Variants in FBXO10 observed in about 807,000 individuals in gnomAD.
The protein encoded by FBXO10 is F-box only protein 10.
Under a neutral mutation model 80.7 loss-of-function variants are expected in FBXO10, and 39 were observed. The observed-to-expected ratio is 0.48, with a 90% confidence interval of 0.37 to 0.63. The LOEUF is 0.63. Ranked by LOEUF, FBXO10 falls within the 30% of genes least tolerant of loss-of-function variation. The pLI, the probability that FBXO10 is intolerant of heterozygous loss-of-function variation, is 0.00. For missense variants in FBXO10, 1,025 were observed against 1,269.0 expected, an observed-to-expected ratio of 0.81 and a Z score of 2.92; for synonymous variants, 449 against 489.6, an observed-to-expected ratio of 0.92 and a Z score of 1.09.
intron 1 of FBXO10, among the ~76,000 whole-genome samples, chr9:37,552,251 T>A (rs10973408): frequency 0.23 from 34,432 of 152,120 alleles, 4,157 homozygotes; most frequent in Admixed American, 0.26. Context: ...CCAGCCTCTA[T>A]GCATTATCCG....
chr9:37,519,661 C>T (rs144246441), intron 8 of FBXO10, among the ~76,000 whole-genome samples: 14 of 152,290 alleles, frequency 9.2e-5, no homozygotes, highest in African/African-American at 2.4e-4. Context: ...CTTTGCCTGT[C>T]GTACCGGACA....
chr9:37,571,003 A>G (rs1822738885), intron 1 of FBXO10, among the ~76,000 whole-genome samples: 2 of 152,188 alleles, frequency 1.3e-5, no homozygotes, highest in African/African-American at 4.8e-5. Flanking sequence ...AAAAAAAAAA[A>G]AAAAAATTAT....
chr9:37,540,206 A>G (rs1308912829), intron 2 of FBXO10, among the ~76,000 whole-genome samples: 3 of 149,846 alleles, frequency 2.0e-5, no homozygotes, highest in African/African-American at 5.0e-5. Context: ...TTTTTTTTTG[A>G]GACAAAGTCT....
At chr9:37,523,002 G>A (rs765906116) in intron 6 of FBXO10, 25 bp from the exon 7 acceptor site, 1 of 1,579,112 alleles carries the variant, frequency 6.3e-7, no homozygotes, top group Admixed American at 1.8e-5. Context: ...AGAAAAGAAG[G>A]TCAGTACCCA....
chr9:37,543,348 G>A (rs1331916841), intron 1 of FBXO10, among the ~76,000 whole-genome samples: 1 of 152,134 alleles, frequency 6.6e-6, no homozygotes, highest in African/African-American at 2.4e-5. Context: ...GTTCTAAAGG[G>A]GCCATCGAGC....
intron 4 of FBXO10, among the ~76,000 whole-genome samples, chr9:37,530,024 A>G (rs1456015034): frequency 2.0e-5 from 3 of 152,128 alleles, no homozygotes; most frequent in Non-Finnish European, 4.4e-5. Flanking sequence ...CAGGCCCACG[A>G]TTATATAGTA....
At chr9:37,561,164 CAAAAT>C (rs911971039) in intron 1 of FBXO10, among the ~76,000 whole-genome samples, 11 of 141,680 alleles carry the variant, frequency 7.8e-5, no homozygotes, top group East Asian at 2.0e-4. Context: ...CAAAACAAAA[CAAAAT>C]CAACTTTTTT....
chr9:37,534,006 G>C (rs1402287136), intron 3 of FBXO10, among the ~76,000 whole-genome samples: 3 of 152,042 alleles, frequency 2.0e-5, no homozygotes, highest in African/African-American at 7.2e-5. Flanking sequence ...GATGTGTGCA[G>C]GTTAGGTGCA....
intron 3 of FBXO10, among the ~76,000 whole-genome samples, chr9:37,534,761 TG>T (rs1255177478): frequency 1.7e-4 from 26 of 152,196 alleles, no homozygotes; most frequent in Non-Finnish European, 3.8e-4. Context: ...CCCTCTCCTG[TG>T]TTCTTTCCCC....
At chr9:37,544,383 A>G (rs1205884965) in intron 1 of FBXO10, among the ~76,000 whole-genome samples, 1 of 152,208 alleles carries the variant, frequency 6.6e-6, no homozygotes, top group African/African-American at 2.4e-5. Flanking sequence ...CAGTGAGCCA[A>G]GATTGCTTCA....
rs1751241625 is a variant in FBXO10, at chr9:37,512,336, C to T, written c.*211G>A. The T allele has an allele frequency of 2.1e-6, 1 of 472,458 alleles. No homozygotes were observed. The highest frequency in any genetic ancestry group is 3.7e-6 in the Non-Finnish European group (1 of 270,076). 29.3% of individuals were successfully genotyped at this position (472,458 alleles called of 1,614,324 possible). On this transcript the variant is annotated 3_prime_UTR_variant, in exon 11 of 11. Coordinates refer to ENST00000432825, the MANE Select transcript of FBXO10 (RefSeq NM_012166.3). The stretch of plus-strand genomic sequence containing the variant: ...AGACTTCGAGTGACTGGAAACCCAC[C>T]AGCTTCTATCCCTTCTCCCTGAAAA...
chr9:37,558,499 GT>G (rs1822391902), intron 1 of FBXO10, among the ~76,000 whole-genome samples: 1 of 152,088 alleles, frequency 6.6e-6, no homozygotes, highest in Non-Finnish European at 1.5e-5. Context: ...TCCCAGATGG[GT>G]TTCCCCCATT....
intron 6 of FBXO10, among the ~76,000 whole-genome samples, chr9:37,524,817 T>C (rs779039393): frequency 1.3e-5 from 2 of 152,116 alleles, no homozygotes; most frequent in Admixed American, 1.3e-4. Context: ...GAGGAGGGAT[T>C]TGGACAGGTG....
chr9:37,514,786 A>T (rs2119043057), intron 10 of FBXO10, among the ~76,000 whole-genome samples: 2 of 152,284 alleles, frequency 1.3e-5, no homozygotes, highest in Middle Eastern at 6.8e-3. Flanking sequence ...GTGAGCCAAG[A>T]TCGCACCACT....
chr9:37,513,902 A>G (rs1256694853), intron 10 of FBXO10, among the ~76,000 whole-genome samples: 1 of 152,106 alleles, frequency 6.6e-6, no homozygotes, highest in African/African-American at 2.4e-5. Context: ...GATTTCTTTT[A>G]TATGACATTT....
chr9:37,546,750 T>C (rs1318132313), intron 1 of FBXO10, among the ~76,000 whole-genome samples: 1 of 151,980 alleles, frequency 6.6e-6, no homozygotes, highest in Non-Finnish European at 1.5e-5. Flanking sequence ...CCATGATCTT[T>C]GCTCACTGCA....
At position 37,518,437 on chromosome 9, in the gene FBXO10, G is replaced by A. The variant is rs1275493054; in HGVS notation, c.2202C>T (p.Ala734=). 1.3e-6 allele frequency: 2 copies of A among 1,581,876 alleles called. No individual in the cohort carries two copies. The highest frequency in any genetic ancestry group is 2.2e-5 in the East Asian group (1 of 44,536). ...VESNSINHNG[A]SGLYVQSSEA... ...CGCTGCTCTGGACATAGAGTCCTGA[G>A]GCTATGGGTGGAAGGGTTGGAAAGC... The change falls in exon 9 of 11, where the codon GCC becomes GCT. Residue 734 remains alanine (A), a splice_region_variant and synonymous_variant. Transcript: ENST00000432825.
chr9:37,546,364 G>C (rs1364234141), intron 1 of FBXO10, among the ~76,000 whole-genome samples: 2 of 152,076 alleles, frequency 1.3e-5, no homozygotes, highest in African/African-American at 4.8e-5. Context: ...AGCACAGAGG[G>C]GGTGGGGAGG....
chr9:37,564,789 C>G (rs1023614297), intron 1 of FBXO10, among the ~76,000 whole-genome samples: 59 of 152,316 alleles, frequency 3.9e-4, no homozygotes, highest in African/African-American at 1.4e-3. Context: ...ATTTTACAGG[C>G]TCATAGGCAG....
Sources: allele counts gnomAD v4.1 joint callset (sites outside exome capture counted in the v4.1 genomes callset), GRCh38; gene constraint gnomAD v4.1.1; transcripts MANE v1.5; gene names NCBI Gene and HGNC (gene_info 2026-07-23, HGNC 2026-07-21).